The following ADAM2 variants were observed in gnomAD, a reference collection of about 807,000 sequenced individuals.
ADAM2 encodes ADAM metallopeptidase domain 2, also known as disintegrin and metalloproteinase domain-containing protein 2.
A neutral mutation model predicts 99.3 loss-of-function variants in ADAM2; 101 were observed. The ratio of observed to expected loss-of-function variants is 1.02; its 90% confidence interval spans 0.87 to 1.20. The LOEUF is 1.20. Ranked by LOEUF, ADAM2 falls within the 50% of genes most tolerant of loss-of-function variation. The pLI is 0.00. For missense variants in ADAM2, 948 were observed against 878.7 expected, an observed-to-expected ratio of 1.08 and a Z score of -1.00; for synonymous variants, 323 against 287.6, an observed-to-expected ratio of 1.12 and a Z score of -1.25.
At chr8:39,838,076 A>G (rs943410042) in intron 1 of ADAM2, 55 bp downstream of exon 1, 1 of 1,580,300 alleles carries the variant, frequency 6.3e-7, no homozygotes, top group African/African-American at 1.3e-5. Context: ...TTGGAGGCAA[A>G]GGGAGAGTAG....
Position 39,755,811 on chromosome 8 carries a change from A to G in ADAM2, c.1714T>C (p.Cys572Arg). 1 of 1,612,200 alleles carries G rather than the reference A, an allele frequency of 6.2e-7. No individual in the cohort carries two copies. The highest frequency in any genetic ancestry group is 8.5e-7 in the Non-Finnish European group (1 of 1,178,448). Residue 572 changes from cysteine (C) to arginine (R), a missense_variant, in exon 16 of 21, where the codon TGC (cysteine) becomes CGC (arginine). Transcript: ENST00000265708. ...TCACTGGCAAATTCCACAGCAATGC[A>G]GAGATGTCCACTTATGTTGGCATAA... ...IIYANISGHL[C>R]IAVEFASDHA...
chr8:39,811,397 A>G (rs1804689846), intron 6 of ADAM2, among the ~76,000 whole-genome samples: 1 of 152,220 alleles, frequency 6.6e-6, no homozygotes, highest in Admixed American at 6.5e-5. Context: ...AATCAATAGA[A>G]AAAGAGGGAA....
At chr8:39,762,475 G>A (rs1299221959) in intron 14 of ADAM2, among the ~76,000 whole-genome samples, 1 of 152,174 alleles carries the variant, frequency 6.6e-6, no homozygotes, top group African/African-American at 2.4e-5. Context: ...CTGAAAGACG[G>A]TGTGATGATA....
chr8:39,782,798 T>G (rs1035670385), intron 10 of ADAM2, among the ~76,000 whole-genome samples: 2 of 152,156 alleles, frequency 1.3e-5, no homozygotes, highest in Non-Finnish European at 2.9e-5. Context: ...TTGTTATAAC[T>G]TGTATATATC....
chr8:39,797,128 C>T (rs931282602), intron 7 of ADAM2, among the ~76,000 whole-genome samples: 1 of 152,138 alleles, frequency 6.6e-6, no homozygotes, highest in Non-Finnish European at 1.5e-5. Context: ...TCACTCATGC[C>T]TATTTCCTGA....
chr8:39,814,507 T>C (rs572724633), intron 6 of ADAM2, among the ~76,000 whole-genome samples: 117 of 152,308 alleles, frequency 7.7e-4, no homozygotes, highest in African/African-American at 2.6e-3. Context: ...GACTAAGGAA[T>C]TGGATCTAGT....
intron 7 of ADAM2, among the ~76,000 whole-genome samples, chr8:39,793,403 C>G (rs866979517): frequency 2.0e-5 from 3 of 152,012 alleles, no homozygotes; most frequent in Non-Finnish European, 4.4e-5. Context: ...ATGGATGGAC[C>G]AAAGGGACAC....
At chr8:39,835,412 C>T (rs962629228) in intron 2 of ADAM2, among the ~76,000 whole-genome samples, 4 of 151,980 alleles carry the variant, frequency 2.6e-5, no homozygotes, top group Admixed American at 2.0e-4. Context: ...AGGCCATGTG[C>T]GGTGGCTCAC....
chr8:39,798,926 C>A (rs1274793387), intron 7 of ADAM2, among the ~76,000 whole-genome samples: 5 of 152,028 alleles, frequency 3.3e-5, no homozygotes, highest in African/African-American at 9.7e-5. Flanking sequence ...GTTCTTCTCT[C>A]TTTTCTTCTT....
rs1586085063 is a variant in ADAM2 at position 39,777,775 on chromosome 8, C to G, written c.892-614G>C. On this transcript the variant is annotated intron_variant, in intron 10 of 20. Transcript: ENST00000265708. The stretch of plus-strand genomic sequence containing the variant: ...ATCATTACACATTGTATGCCTGTAC[C>G]AAAACATCACATCTCCCCATAAATA... 2.0e-5 allele frequency among the ~76,000 whole-genome samples: 3 copies of G among 151,614 alleles called. 1 individual carries two copies.
chr8:39,748,157 T>C (rs1256541572), intron 18 of ADAM2, among the ~76,000 whole-genome samples: 1 of 152,046 alleles, frequency 6.6e-6, no homozygotes, highest in Non-Finnish European at 1.5e-5. Context: ...TTTCAAGAAG[T>C]GAATGAGAGA....
At chr8:39,816,254 G>A (rs189208314) in intron 6 of ADAM2, among the ~76,000 whole-genome samples, 143 of 152,188 alleles carry the variant, frequency 9.4e-4, no homozygotes, top group Non-Finnish European at 1.9e-3. Flanking sequence ...CAGAGATCAC[G>A]CCATTGCACT....
intron 6 of ADAM2, among the ~76,000 whole-genome samples, chr8:39,816,263 C>T (rs1426902532): frequency 6.6e-6 from 1 of 152,118 alleles, no homozygotes; most frequent in Non-Finnish European, 1.5e-5. Flanking sequence ...CGCCATTGCA[C>T]TCCAGCCTGG....
chr8:39,808,743 C>A (rs1255269880), intron 7 of ADAM2, among the ~76,000 whole-genome samples: 1 of 151,984 alleles, frequency 6.6e-6, no homozygotes, highest in African/African-American at 2.4e-5. Flanking sequence ...TGGTGAAACC[C>A]CGTCTCTACT....
intron 7 of ADAM2, among the ~76,000 whole-genome samples, chr8:39,797,678 G>A (rs1157545736): frequency 2.6e-5 from 4 of 152,210 alleles, no homozygotes; most frequent in African/African-American, 4.8e-5. Flanking sequence ...TCCTATCAAT[G>A]AGGATGGAAT....
chr8:39,771,542 G>A (rs1326011819), intron 11 of ADAM2, among the ~76,000 whole-genome samples: 3 of 152,074 alleles, frequency 2.0e-5, no homozygotes. Flanking sequence ...TTTGATGGAA[G>A]ACATTGTTAA....
chr8:39,822,658 GT>G (rs1563380912), intron 4 of ADAM2, among the ~76,000 whole-genome samples: 1 of 151,772 alleles, frequency 6.6e-6, no homozygotes, highest in Admixed American at 6.6e-5. Context: ...TAGAAGAGAA[GT>G]GTTTAAATCT....
At position 39,822,909 on chromosome 8, in the gene ADAM2, C is replaced by T. The variant is rs1408896734; in HGVS notation, c.268-1247G>A. On this transcript the variant is annotated intron_variant, in intron 4 of 20. Transcript: ENST00000265708. ...TCAGCCTCCTGAGTAGCTGGGACTA[C>T]AGGCACATGCTGCCATGCCCAGCTA... Among the ~76,000 whole-genome samples, 3 of 152,238 alleles carry T rather than the reference C, an allele frequency of 2.0e-5. No individual in the cohort carries two copies. In the East Asian group the frequency reaches 5.8e-4, roughly 29 times the overall value.
intron 6 of ADAM2, among the ~76,000 whole-genome samples, chr8:39,816,740 C>A (rs1463049596): frequency 6.6e-6 from 1 of 152,134 alleles, no homozygotes; most frequent in African/African-American, 2.4e-5. Context: ...ATATCTATGA[C>A]AATAGATTTG....
Sources: gnomAD v4.1 joint callset for allele counts (sites outside exome capture counted in the v4.1 genomes callset) on GRCh38, gnomAD v4.1.1 for gene constraint, MANE v1.5 for transcripts, NCBI Gene and HGNC (gene_info 2026-07-23, HGNC 2026-07-21) for gene names.